The following EIPR1 variants were observed in gnomAD, a reference collection of about 807,000 sequenced individuals.
EIPR1 encodes EARP and GARP complex-interacting protein 1.
In EIPR1, 25 loss-of-function variants were observed where a neutral mutation model predicts 48.1. The observed-to-expected ratio is 0.52, with a 90% CI of 0.38 to 0.73. The LOEUF is 0.73. Among genes scored for constraint, EIPR1 ranks in the 30% least tolerant of loss-of-function variants. The probability of loss-of-function intolerance (pLI) is 0.00; values close to 1 mark genes in which losing one functional copy is unlikely to be tolerated. For synonymous variants in EIPR1, 204 were observed against 201.9 expected (o/e 1.01, Z -0.09); for missense variants, 415 against 506.2 (o/e 0.82, Z 1.73).
intron 6 of EIPR1, among the ~76,000 whole-genome samples, chr2:3,195,294 G>A (rs929707672): frequency 6.6e-6 from 1 of 152,154 alleles, no homozygotes; most frequent in African/African-American, 2.4e-5. Flanking sequence ...GCCGTGGGCG[G>A]GACTGAAATC....
Position 3,286,951 on chromosome 2 carries a change from G to T in EIPR1, c.260-29496C>A, listed in dbSNP as rs1048145572. Among the ~76,000 whole-genome samples the T allele has an allele frequency of 3.2e-4, 48 of 148,822 alleles. No individual in the cohort carries two copies. Among genetic ancestry groups the T allele is most frequent in the African/African-American group, 1.2e-3 (47 of 39,946 alleles). ...GAGGGGGCGGTGGGGAGCACACAGA[G>T]TGCCAGCCGGCAGAGGGGGCGGTGG... On this transcript the variant is annotated intron_variant, in intron 3 of 8. Coordinates refer to ENST00000382125, the MANE Select transcript of EIPR1 (RefSeq NM_003310.5). This position sits in a 1 kb window ranked among gnomAD's most constrained non-coding sequence, Gnocchi z 4.2.
chr2:3,310,670 A>G (rs1218303767), intron 3 of EIPR1, among the ~76,000 whole-genome samples: 5 of 151,192 alleles, frequency 3.3e-5, no homozygotes, highest in Admixed American at 3.3e-4. Context: ...AAAAAAAAAA[A>G]AAAAAGTCTT....
chr2:3,225,886 G>C (rs539527490), intron 4 of EIPR1, among the ~76,000 whole-genome samples: 2 of 152,152 alleles, frequency 1.3e-5, no homozygotes, highest in Non-Finnish European at 2.9e-5. Context: ...GTGAGATCGC[G>C]CAGTATTTGT....
intron 1 of EIPR1, among the ~76,000 whole-genome samples, chr2:3,376,100 C>T (rs1659869620): frequency 6.6e-6 from 1 of 151,946 alleles, no homozygotes; most frequent in African/African-American, 2.4e-5. Context: ...CATGGCGAAA[C>T]CCCATTTCTA....
chr2:3,250,788 A>G (rs775281752), intron 4 of EIPR1, among the ~76,000 whole-genome samples: 20 of 152,144 alleles, frequency 1.3e-4, no homozygotes, highest in Admixed American at 3.9e-4. Flanking sequence ...CGCTTGTTTA[A>G]AAGAGTCTGG....
intron 3 of EIPR1, among the ~76,000 whole-genome samples, chr2:3,279,883 T>C (rs1282448173): frequency 6.6e-6 from 1 of 152,234 alleles, no homozygotes; most frequent in Non-Finnish European, 1.5e-5. Flanking sequence ...TATCCACGTC[T>C]CTGGCTAAAA....
At chr2:3,224,645 G>A (rs1403803790) in intron 4 of EIPR1, among the ~76,000 whole-genome samples, 2 of 152,134 alleles carry the variant, frequency 1.3e-5, no homozygotes, top group Admixed American at 6.5e-5. Flanking sequence ...GCTGCCCAGG[G>A]ATAACTGCTC....
At chr2:3,245,725 T>A (rs562120076) in intron 4 of EIPR1, among the ~76,000 whole-genome samples, 1 of 152,332 alleles carries the variant, frequency 6.6e-6, no homozygotes, top group East Asian at 1.9e-4. Flanking sequence ...TAAGCGCATC[T>A]AGGCTGGCTA....
At chr2:3,351,957 CG>C (rs1206300134) in intron 2 of EIPR1, among the ~76,000 whole-genome samples, 2 of 152,224 alleles carry the variant, frequency 1.3e-5, no homozygotes, top group African/African-American at 4.8e-5. Flanking sequence ...CCACCCGAAA[CG>C]TGAGTCATCC....
In EIPR1 at chr2:3,190,279, T is replaced by C. The variant is rs535558762; in HGVS notation, c.990-771A>G. ...ACACAGGCTTCTCTGGCACTTTACT[T>C]CCCATTTCACAAAAAAATTCCCACA... On this transcript the variant is annotated intron_variant, in intron 8 of 8. Coordinates refer to ENST00000382125, the MANE Select transcript of EIPR1 (RefSeq NM_003310.5). 5.9e-5 allele frequency among the ~76,000 whole-genome samples: 9 copies of C among 152,316 alleles called. No homozygotes were observed. The South Asian group carries it at 1.9e-3, about 32-fold the overall frequency.
At chr2:3,271,519 G>A (rs35010852) in intron 3 of EIPR1, among the ~76,000 whole-genome samples, 8,886 of 152,256 alleles carry the variant, frequency 0.058, 269 homozygotes, top group Non-Finnish European at 0.063. Flanking sequence ...AACAACATTT[G>A]TTTCTTTGGT....
At chr2:3,280,922 A>AGCTGCT (rs962875319) in intron 3 of EIPR1, among the ~76,000 whole-genome samples, 7 of 151,460 alleles carry the variant, frequency 4.6e-5, no homozygotes, top group African/African-American at 1.7e-4. Context: ...CCGCCTGTGC[A>AGCTGCT]GCTGCTGCTG....
At chr2:3,296,073 G>GCA (rs1385795901) in intron 3 of EIPR1, among the ~76,000 whole-genome samples, 7 of 47,474 alleles carry the variant, frequency 1.5e-4, no homozygotes, top group South Asian at 8.5e-4. Context: ...TCCTCTCTCT[G>GCA]CACACACACC....
rs751022008 is a variant in EIPR1, at chr2:3,208,515, T to A, written c.516+5634A>T. 9.7e-6 allele frequency: 15 copies of A among 1,543,032 alleles called. No individual in the cohort carries two copies. The African/African-American group carries it at 2.1e-4, about 21-fold the overall frequency. On this transcript the variant is annotated intron_variant, in intron 5 of 8. Coordinates refer to ENST00000382125, the MANE Select transcript of EIPR1 (RefSeq NM_003310.5). ...CAATTATATGATGAGGAGGTCTGTG[T>A]CTGATTAAAAGGACTACTTAAAAAT...
chr2:3,344,808 A>G (rs1376455218), intron 2 of EIPR1, among the ~76,000 whole-genome samples: 2 of 151,666 alleles, frequency 1.3e-5, no homozygotes, highest in Non-Finnish European at 2.9e-5. Context: ...ACGCCCAGCT[A>G]ATTTTTGTAT....
intron 1 of EIPR1, among the ~76,000 whole-genome samples, chr2:3,376,960 C>T (rs1446561250): frequency 6.6e-6 from 1 of 152,230 alleles, no homozygotes; most frequent in African/African-American, 2.4e-5. Flanking sequence ...CTATCCACGG[C>T]AGCTTTCTTG....
intron 1 of EIPR1, among the ~76,000 whole-genome samples, chr2:3,367,852 T>A (rs533088650): frequency 1.8e-4 from 28 of 152,026 alleles, no homozygotes; most frequent in African/African-American, 6.5e-4. Flanking sequence ...ATCGAGACCA[T>A]CCTGGCTAAC....
intron 3 of EIPR1, among the ~76,000 whole-genome samples, chr2:3,273,432 A>G (rs1286000897): frequency 6.6e-6 from 1 of 152,228 alleles, no homozygotes; most frequent in Non-Finnish European, 1.5e-5. Context: ...GGACCTCTGC[A>G]AAAACACAGG....
intron 5 of EIPR1, among the ~76,000 whole-genome samples, chr2:3,211,220 G>A (rs961000639): frequency 1.4e-4 from 21 of 152,132 alleles, no homozygotes; most frequent in Non-Finnish European, 1.6e-4. Flanking sequence ...CAGGAGGGTC[G>A]CTGCTGGAAC....
Sources: gnomAD v4.1 joint callset for allele counts (sites outside exome capture counted in the v4.1 genomes callset) on GRCh38, gnomAD v4.1.1 for gene constraint, Gnocchi (gnomAD v3.1) non-coding constraint, MANE v1.5 for transcripts, NCBI Gene and HGNC (gene_info 2026-07-23, HGNC 2026-07-21) for gene names.